GHR: variants seen among roughly 807,000 people sequenced by gnomAD.
GHR encodes GH receptor.
Under a neutral mutation model 67.1 loss-of-function variants are expected in GHR, and 35 were observed. That is an observed-to-expected ratio of 0.52 (90% CI 0.40 to 0.69). The LOEUF is 0.69. GHR is among the 30% of genes least tolerant of loss of function. GHR has a pLI of 0.00. For missense variants in GHR, 792 were observed against 764.6 expected (o/e 1.04, Z -0.42); for synonymous variants, 272 against 269.1 (o/e 1.01, Z -0.10).
chr5:42,534,993 T>C (rs1015895626), intron 1 of GHR, among the ~76,000 whole-genome samples: 3 of 151,974 alleles, frequency 2.0e-5, no homozygotes, highest in Non-Finnish European at 4.4e-5. Context: ...CACTTTTTGA[T>C]GAGATTGCTT....
chr5:42,453,627 A>T (rs939700531), intron 1 of GHR, among the ~76,000 whole-genome samples: 2 of 152,156 alleles, frequency 1.3e-5, no homozygotes, highest in African/African-American at 4.8e-5. Flanking sequence ...ATCTATAGGA[A>T]TGTTGTTGTT....
chr5:42,567,402 C>T (rs976623799), intron 2 of GHR, among the ~76,000 whole-genome samples: 2 of 152,130 alleles, frequency 1.3e-5, no homozygotes, highest in Non-Finnish European at 2.9e-5. Flanking sequence ...CTTTGAGTTC[C>T]TGAGTGAAGA....
chr5:42,474,632 A>C (rs1210133846), intron 1 of GHR, among the ~76,000 whole-genome samples: 2 of 152,200 alleles, frequency 1.3e-5, no homozygotes, highest in African/African-American at 4.8e-5. Flanking sequence ...AACAACAAAA[A>C]AAGGCAGGGA....
intron 2 of GHR, among the ~76,000 whole-genome samples, chr5:42,618,610 A>G (rs1341608869): frequency 6.6e-6 from 1 of 152,164 alleles, no homozygotes; most frequent in Non-Finnish European, 1.5e-5. Context: ...CATAAGACAT[A>G]ATTAACTATC....
intron 7 of GHR, 34 bp downstream of exon 7, chr5:42,711,406 C>A (rs756052220): frequency 3.1e-5 from 47 of 1,514,408 alleles, no homozygotes; most frequent in Non-Finnish European, 4.2e-5. Flanking sequence ...TAGTAGCTAA[C>A]CTGGCTTTTG....
intron 1 of GHR, among the ~76,000 whole-genome samples, chr5:42,435,791 G>A (rs963294383): frequency 1.3e-5 from 2 of 152,324 alleles, no homozygotes; most frequent in Admixed American, 1.3e-4. Flanking sequence ...TACTGTGCAT[G>A]TGCTTTTTTA....
chr5:42,581,683 G>A (rs1254402690), intron 2 of GHR, among the ~76,000 whole-genome samples: 2 of 152,198 alleles, frequency 1.3e-5, no homozygotes, highest in Non-Finnish European at 2.9e-5. Flanking sequence ...GGCCCATCTG[G>A]AGCCGCTGCT....
intron 7 of GHR, among the ~76,000 whole-genome samples, chr5:42,712,465 A>AT (rs1260088416): frequency 2.6e-5 from 4 of 152,132 alleles, no homozygotes; most frequent in Admixed American, 6.5e-5. Flanking sequence ...TGAATATGTC[A>AT]TTGATATGAA....
intron 6 of GHR, among the ~76,000 whole-genome samples, chr5:42,702,945 T>C (rs1220769118): frequency 1.3e-5 from 2 of 152,064 alleles, no homozygotes; most frequent in African/African-American, 2.4e-5. Context: ...TAGTTCCTTA[T>C]ATATTTCAGA....
intron 6 of GHR, among the ~76,000 whole-genome samples, chr5:42,704,263 A>T (rs896213916): frequency 6.6e-6 from 1 of 151,962 alleles, no homozygotes; most frequent in Admixed American, 6.6e-5. Flanking sequence ...TTTTATCATG[A>T]AAGGATATTG....
intron 3 of GHR, among the ~76,000 whole-genome samples, chr5:42,651,322 G>A (rs1036309298): frequency 6.6e-6 from 1 of 152,164 alleles, no homozygotes; most frequent in African/African-American, 2.4e-5. Flanking sequence ...TAAATTCCAA[G>A]GGGTTGGGGG....
chr5:42,462,169 G>C (rs1291750867), intron 1 of GHR, among the ~76,000 whole-genome samples: 1 of 152,190 alleles, frequency 6.6e-6, no homozygotes, highest in African/African-American at 2.4e-5. Context: ...CGAATTTAAC[G>C]ATGAAAGTGG....
intron 1 of GHR, among the ~76,000 whole-genome samples, chr5:42,531,249 A>G (rs149079055): frequency 0.068 from 10,242 of 150,208 alleles, 418 homozygotes; most frequent in African/African-American, 0.099. Context: ...CCTGGGCAAC[A>G]GAGTGAGAGT....
chr5:42,580,300 G>C (rs888278533), intron 2 of GHR, among the ~76,000 whole-genome samples: 1 of 152,090 alleles, frequency 6.6e-6, no homozygotes, highest in Non-Finnish European at 1.5e-5. Flanking sequence ...ATGAACAAAA[G>C]AGATAAAAAC....
intron 1 of GHR, among the ~76,000 whole-genome samples, chr5:42,488,191 ATAAAG>A (rs796265903): frequency 2.6e-5 from 4 of 152,380 alleles, no homozygotes; most frequent in African/African-American, 9.6e-5. Context: ...TAAACTCATA[ATAAAG>A]TAATCAGAAC....
intron 2 of GHR, among the ~76,000 whole-genome samples, chr5:42,609,437 C>G (rs1752782847): frequency 6.6e-6 from 1 of 152,146 alleles, no homozygotes; most frequent in African/African-American, 2.4e-5. Flanking sequence ...TATGAATGAT[C>G]ATTTTTCATG....
chr5:42,576,103 T>TAAAATAAAA (rs1750693347), intron 2 of GHR, among the ~76,000 whole-genome samples: 1 of 52,574 alleles, frequency 1.9e-5, no homozygotes, highest in Non-Finnish European at 3.8e-5. Context: ...ATAAAATAAA[T>TAAAATAAAA]AAAATAAAAT....
At chr5:42,537,902 T>C (rs547779774) in intron 1 of GHR, among the ~76,000 whole-genome samples, 1 of 152,338 alleles carries the variant, frequency 6.6e-6, no homozygotes, top group South Asian at 2.1e-4. Context: ...TTTTTACCAT[T>C]ATATAGTGTC....
intron 3 of GHR, chr5:42,646,328 G>T (rs1209187360): frequency 4.4e-6 from 2 of 454,312 alleles, no homozygotes; most frequent in South Asian, 1.6e-5. Flanking sequence ...TCTTCTCTTT[G>T]CAGGATGGGG....
Sources: gnomAD v4.1 joint callset for allele counts (sites outside exome capture counted in the v4.1 genomes callset) on GRCh38, gnomAD v4.1.1 for gene constraint, MANE v1.5 for transcripts, NCBI Gene and HGNC (gene_info 2026-07-23, HGNC 2026-07-21) for gene names.